LARGE1: variants seen among roughly 807,000 people sequenced by gnomAD.
The protein encoded by LARGE1 is xylosyl- and glucuronyltransferase LARGE1.
Under a neutral mutation model 87.6 loss-of-function variants are expected in LARGE1, and 43 were observed. The ratio of observed to expected loss-of-function variants is 0.49; its 90% CI spans 0.38 to 0.63. The LOEUF (loss-of-function observed/expected upper bound fraction) is 0.63, where lower values mean the gene tolerates loss of function less well. Ranked by LOEUF, LARGE1 falls within the 30% of genes least tolerant of loss-of-function variation. LARGE1 has a pLI of 0.00. For synonymous variants in LARGE1, 434 were observed against 394.6 expected (o/e 1.10, Z -1.18); for missense variants, 802 against 1,000.2 (o/e 0.80, Z 2.67).
At chr22:33,456,646 C>A (rs901931937) in intron 6 of LARGE1, among the ~76,000 whole-genome samples, 4 of 152,152 alleles carry the variant, frequency 2.6e-5, no homozygotes, top group Non-Finnish European at 4.4e-5. Flanking sequence ...CCTTTTAGCT[C>A]CTGAGAGATT....
intron 9 of LARGE1, among the ~76,000 whole-genome samples, chr22:33,354,534 C>T (rs370060915): frequency 2.6e-5 from 4 of 152,234 alleles, no homozygotes; most frequent in Admixed American, 6.5e-5. Context: ...GTTAACCTAT[C>T]GATGACATTA....
At chr22:33,170,159 A>T (rs1192743077) in intron 11 of LARGE1, among the ~76,000 whole-genome samples, 1 of 152,074 alleles carries the variant, frequency 6.6e-6, no homozygotes, top group Non-Finnish European at 1.5e-5. Flanking sequence ...ACTTGAGGTC[A>T]GGAGTTCTAG....
intron 6 of LARGE1, among the ~76,000 whole-genome samples, chr22:33,443,655 T>G (rs1170667578): frequency 6.6e-6 from 1 of 152,166 alleles, no homozygotes; most frequent in Non-Finnish European, 1.5e-5. Flanking sequence ...TCTGCCAAGA[T>G]CCAAGAACAA....
At chr22:33,531,716 C>T (rs755930414) in intron 6 of LARGE1, among the ~76,000 whole-genome samples, 6 of 152,216 alleles carry the variant, frequency 3.9e-5, no homozygotes, top group Non-Finnish European at 7.3e-5. Flanking sequence ...GGAGGGAAAC[C>T]GCCCAGGAGG....
At chr22:33,511,229 A>G (rs1304803216) in intron 6 of LARGE1, among the ~76,000 whole-genome samples, 1 of 152,164 alleles carries the variant, frequency 6.6e-6, no homozygotes, top group African/African-American at 2.4e-5. Context: ...TGCCAGCCAC[A>G]TGAGTTGTAC....
intron 1 of LARGE1, among the ~76,000 whole-genome samples, chr22:33,807,150 C>T (rs994476780): frequency 2.0e-5 from 3 of 152,140 alleles, no homozygotes; most frequent in Admixed American, 6.5e-5. Context: ...ATGCAAATCC[C>T]AGCTCTCCCA....
intron 5 of LARGE1, among the ~76,000 whole-genome samples, chr22:33,596,444 T>C (rs1181819174): frequency 6.6e-6 from 1 of 152,154 alleles, no homozygotes; most frequent in Non-Finnish European, 1.5e-5. Context: ...GAACCAGCCT[T>C]CGTATTCAGA....
the LARGE1 span, among the ~76,000 whole-genome samples, chr22:33,073,559 G>C: frequency 6.6e-6 from 1 of 151,986 alleles, no homozygotes; most frequent in Non-Finnish European, 1.5e-5. Flanking sequence ...ATGCTCTAGA[G>C]CCCACCCCTC....
chr22:33,248,646 T>C (rs1402142392), intron 11 of LARGE1, among the ~76,000 whole-genome samples: 3 of 152,208 alleles, frequency 2.0e-5, no homozygotes, highest in Admixed American at 6.5e-5. Flanking sequence ...AAATGTATAA[T>C]GACATGTATC....
chr22:33,379,867 T>C (rs1364315829), intron 9 of LARGE1, among the ~76,000 whole-genome samples: 1 of 152,162 alleles, frequency 6.6e-6, no homozygotes, highest in Non-Finnish European at 1.5e-5. Context: ...GGGGCTCATA[T>C]ACACAATAAA....
At chr22:33,098,346 G>A in the LARGE1 span, among the ~76,000 whole-genome samples, 6 of 152,154 alleles carry the variant, frequency 3.9e-5, no homozygotes, top group African/African-American at 9.7e-5. Flanking sequence ...TAGGCCGGGC[G>A]CAGTGGCTCA....
intron 1 of LARGE1, among the ~76,000 whole-genome samples, chr22:33,909,551 T>A (rs1009457699): frequency 1.3e-5 from 2 of 152,106 alleles, no homozygotes; most frequent in Non-Finnish European, 2.9e-5. Flanking sequence ...TGTTTTTGTT[T>A]TTGAGACGGA....
chr22:33,384,362 G>GGCACACCTACTCACATCACA (rs2065256184), intron 7 of LARGE1, 58 bp from the exon 8 acceptor site: 1 of 975,532 alleles, frequency 1.0e-6, no homozygotes, highest in Non-Finnish European at 1.5e-6. Flanking sequence ...TGGAGAGCTA[G>GGCACACCTACTCACATCACA]GCACACCTAC....
intron 2 of LARGE1, among the ~76,000 whole-genome samples, chr22:33,715,299 C>G (rs1440604896): frequency 6.6e-6 from 1 of 152,116 alleles, no homozygotes; most frequent in East Asian, 1.9e-4. Flanking sequence ...TTTTGACCAC[C>G]AATAGGGTGG....
the LARGE1 span, among the ~76,000 whole-genome samples, chr22:33,080,627 G>C: frequency 1.3e-5 from 2 of 152,160 alleles, no homozygotes; most frequent in African/African-American, 4.8e-5. Context: ...TCAGAATACT[G>C]GTGAACAGCT....
intron 2 of LARGE1, among the ~76,000 whole-genome samples, chr22:33,720,004 A>G (rs1257357423): frequency 6.6e-6 from 1 of 152,126 alleles, no homozygotes; most frequent in Non-Finnish European, 1.5e-5. Context: ...GTGGAAGACC[A>G]TTTCTCCGCA....
At chr22:33,101,508 T>G in the LARGE1 span, among the ~76,000 whole-genome samples, 1 of 152,224 alleles carries the variant, frequency 6.6e-6, no homozygotes, top group Non-Finnish European at 1.5e-5. Flanking sequence ...TGCTAGGAAC[T>G]AGGAAAAATA....
intron 12 of LARGE1, among the ~76,000 whole-genome samples, chr22:33,287,490 G>C (rs1471919755): frequency 6.6e-6 from 1 of 152,200 alleles, no homozygotes; most frequent in Non-Finnish European, 1.5e-5. Context: ...TTTCAATACC[G>C]ATGTCCTGAA....
chr22:33,848,929 C>A (rs1419481763), intron 1 of LARGE1, among the ~76,000 whole-genome samples: 1 of 151,948 alleles, frequency 6.6e-6, no homozygotes, highest in Non-Finnish European at 1.5e-5. Context: ...AAGGCAAATT[C>A]TTTCTCCTCC....
Sources: allele counts gnomAD v4.1 joint callset (sites outside exome capture counted in the v4.1 genomes callset), GRCh38; gene constraint gnomAD v4.1.1; transcripts MANE v1.5; gene names NCBI Gene and HGNC (gene_info 2026-07-23, HGNC 2026-07-21).